Variants in TMPRSS3 observed in about 807,000 individuals in gnomAD.
TMPRSS3 encodes the protein transmembrane protease serine 3.
Under a neutral mutation model 59.6 loss-of-function variants are expected in TMPRSS3, and 55 were observed. That is an observed-to-expected ratio of 0.92 (90% confidence interval 0.74 to 1.16). The LOEUF (loss-of-function observed/expected upper bound fraction) is 1.16. Ranked by LOEUF, TMPRSS3 falls within the 50% of genes most tolerant of loss-of-function variation. The probability of loss-of-function intolerance (pLI) is 0.00; values close to 1 mark genes in which losing one functional copy is unlikely to be tolerated. For synonymous variants in TMPRSS3, 257 were observed against 237.7 expected, an observed-to-expected ratio of 1.08 and a Z score of -0.75; for missense variants, 596 against 579.4, an observed-to-expected ratio of 1.03 and a Z score of -0.29.
At position 42,388,322 on chromosome 21, in the gene TMPRSS3, C is replaced by A. The variant is rs908638444; in HGVS notation, c.446+81G>T. On this transcript the variant is annotated intron_variant, in intron 5 of 12. Coordinates refer to ENST00000644384, the MANE Select transcript of TMPRSS3 (RefSeq NM_001256317.3). This position sits in a 1 kb window ranked among gnomAD's most constrained non-coding sequence, Gnocchi z 5.1. The stretch of plus-strand genomic sequence containing the variant: ...GAGAGCGTTAAAGCACCCAATAGTG[C>A]CCAACTAAATGGTAGTTGTCTTTCT... The A allele has an allele frequency of 1.9e-6, 3 of 1,591,394 alleles. No individual in the cohort carries two copies. Among genetic ancestry groups the A allele is most frequent in the Non-Finnish European group, 2.6e-6 (3 of 1,159,820 alleles).
chr21:42,395,588 C>T (rs903213474), intron 1 of TMPRSS3, 120 bp from the exon 2 acceptor site: 8 of 636,590 alleles, frequency 1.3e-5, no homozygotes, highest in Admixed American at 2.2e-5. Context: ...CATTCAGTAT[C>T]GATTAACCAA....
intron 12 of TMPRSS3, 32 bp from the exon 13 acceptor site, chr21:42,372,811 T>C (rs2052357719): frequency 3.1e-6 from 5 of 1,613,646 alleles, no homozygotes; most frequent in Non-Finnish European, 4.2e-6. Flanking sequence ...TTATTGTTTT[T>C]AGCACTTCCA....
chr21:42,379,536 A>C (rs749104409), intron 10 of TMPRSS3, among the ~76,000 whole-genome samples: 1 of 152,120 alleles, frequency 6.6e-6, no homozygotes, highest in Non-Finnish European at 1.5e-5. Flanking sequence ...TCCTCTTCCT[A>C]CTAACAAAGA....
At chr21:42,382,788 T>G (rs2052555705) in intron 8 of TMPRSS3, 10 of 583,504 alleles carry the variant, frequency 1.7e-5, no homozygotes, top group Non-Finnish European at 3.1e-5. Flanking sequence ...AGGAGCTTCC[T>G]TCCTCTTCTG....
chr21:42,383,206 G>A lies in TMPRSS3; in HGVS notation c.617-8C>T. On this transcript the variant is annotated splice_polypyrimidine_tract_variant and splice_region_variant and intron_variant, in intron 7 of 12. Coordinates refer to ENST00000644384, the MANE Select transcript of TMPRSS3 (RefSeq NM_001256317.3). ...CCCTTCTATGACCACAGGCTATGGA[G>A]GGGAACAAAGGCTTGTGGGTCCACC... The A allele has an allele frequency of 1.2e-6, 2 of 1,614,068 alleles. No homozygotes were observed. The highest frequency in any genetic ancestry group is 1.3e-5 in the African/African-American group (1 of 75,058).
intron 2 of TMPRSS3, among the ~76,000 whole-genome samples, chr21:42,390,600 C>T (rs1041510326): frequency 6.6e-6 from 1 of 152,120 alleles, no homozygotes; most frequent in Non-Finnish European, 1.5e-5. Context: ...TGATGGCAGG[C>T]ACCTGTAATC....
rs748158424 is a variant in TMPRSS3, at chr21:42,389,999, G to C, written c.133C>G (p.Pro45Ala). 1.2e-6 allele frequency: 2 copies of C among 1,614,138 alleles called. No homozygotes were observed. The highest frequency in any genetic ancestry group is 2.2e-5 in the East Asian group (1 of 44,890). The change falls in exon 3 of 13, where the codon CCA (proline) becomes GCA (alanine). Residue 45 changes from proline to alanine, a missense_variant. Pro to Ala is a conservative substitution (Grantham distance 27). Transcript: ENST00000644384. ...ACGATGATTGGAAAAAACTTCAATG[G>C]CAGCAGTGACAGGATCTGTGCAGCA... is the stretch of plus-strand genomic sequence containing the variant. ...AVAAQILSLL[P>A]LKFFPIIVIG...
intron 10 of TMPRSS3, among the ~76,000 whole-genome samples, chr21:42,377,021 A>G (rs1453379954): frequency 6.6e-6 from 1 of 152,240 alleles, no homozygotes; most frequent in Non-Finnish European, 1.5e-5. Context: ...CCAATCAGCC[A>G]TCAGAACACC....
intron 6 of TMPRSS3, 142 bp from the exon 7 acceptor site, chr21:42,384,155 T>TAAAAA: frequency 1.9e-6 from 1 of 517,602 alleles, no homozygotes; most frequent in Non-Finnish European, 3.0e-6. Flanking sequence ...TAGTCTATGT[T>TAAAAA]CAAAAAAAAA....
At chr21:42,392,232 T>G (rs1164930081) in intron 2 of TMPRSS3, among the ~76,000 whole-genome samples, 1 of 152,080 alleles carries the variant, frequency 6.6e-6, no homozygotes, top group Non-Finnish European at 1.5e-5. Context: ...CCTCTGGCAA[T>G]AAGGAGTGTG....
chr21:42,383,651 G>A (rs1471638013), intron 7 of TMPRSS3: 3 of 585,832 alleles, frequency 5.1e-6, no homozygotes, highest in South Asian at 3.6e-5. Context: ...GCCTGGAGTG[G>A]GCACTGTGCA....
intron 12 of TMPRSS3, among the ~76,000 whole-genome samples, chr21:42,375,146 C>T (rs1046921663): frequency 1.3e-5 from 2 of 152,034 alleles, no homozygotes; most frequent in African/African-American, 4.8e-5. Flanking sequence ...CCCCTCCATG[C>T]CCGGGTCCTG....
chr21:42,372,183 AC>A lies in TMPRSS3; in HGVS notation c.*578del, dbSNP rs34908991. Reference sequence around the variant, plus strand: ...CTTATCTCGTCAGGAATTTTGCAAGACCCCTGGAGAGAAAACCAGATGGACC... The same window carrying A: ...CTTATCTCGTCAGGAATTTTGCAAGACCCTGGAGAGAAAACCAGATGGACC... On this transcript the variant is annotated 3_prime_UTR_variant, in exon 13 of 13. Transcript: ENST00000644384. 170,786 of 449,084 alleles carry A rather than the reference AC, an allele frequency of 0.38. 36,140 individuals carry two copies. The highest frequency in any genetic ancestry group is 0.46 in the Non-Finnish European group (102,024 of 223,030). The allele number at this position is 449,084 out of a possible 1,614,324, so 27.8% of individuals were successfully genotyped here. A position where few individuals can be genotyped will look rare whatever the true frequency, so the allele number is the denominator to read the frequency against.
At chr21:42,376,430 C>T (rs1176909482) in intron 11 of TMPRSS3, 111 bp downstream of exon 11, 1 of 1,481,018 alleles carries the variant, frequency 6.8e-7, no homozygotes, top group Non-Finnish European at 9.2e-7. Flanking sequence ...AATTTCTTCT[C>T]CACGCCCTGT....
intron 2 of TMPRSS3, chr21:42,390,432 A>C: frequency 4.0e-6 from 1 of 247,810 alleles, no homozygotes. Context: ...TGCCCTTATA[A>C]AAAGGGGGAA....
rs748158424 is a variant in TMPRSS3 at position 42,389,999 on chromosome 21, G to A, written c.133C>T (p.Pro45Ser). Reference protein sequence around the residue: ...AVAAQILSLLPLKFFPIIVIG... With the variant: ...AVAAQILSLLSLKFFPIIVIG... ...ACGATGATTGGAAAAAACTTCAATG[G>A]CAGCAGTGACAGGATCTGTGCAGCA... The change falls in exon 3 of 13, where the codon CCA (proline) becomes TCA (serine). Residue 45 changes from proline (P) to serine (S), a missense_variant. Pro to Ser is a moderately conservative substitution (Grantham distance 74). Coordinates refer to ENST00000644384, the MANE Select transcript of TMPRSS3 (RefSeq NM_001256317.3). The A allele has an allele frequency of 1.1e-5, 17 of 1,614,138 alleles. No homozygotes were observed. The South Asian group carries it at 1.8e-4, about 17-fold the overall frequency.
rs565445198 is a variant in TMPRSS3, at chr21:42,394,804, C to A, written c.94+520G>T. 2.6e-5 allele frequency among the ~76,000 whole-genome samples: 4 copies of A among 152,316 alleles called. 1 individual carries two copies. The South Asian group carries it at 8.3e-4, about 32-fold the overall frequency. On this transcript the variant is annotated intron_variant, in intron 2 of 12. Transcript: ENST00000644384. ...TATCTCTGGTCAAAAAGATCCTAGC[C>A]GTATAGGTTGCTAGAGAGTCCACTG...
chr21:42,395,106 C>T (rs1209671872), intron 2 of TMPRSS3, among the ~76,000 whole-genome samples: 1 of 152,152 alleles, frequency 6.6e-6, no homozygotes, highest in Non-Finnish European at 1.5e-5. Context: ...GAAGAAAACA[C>T]CGGTCTCCAG....
rs182472675 is a variant in TMPRSS3, at chr21:42,372,428, C to T, written c.*334G>A. ...TACAAAAATTAGTTGGGTGTGGTGG[C>T]GGGCACCTGTGGTCCCAGCTACTGG... On this transcript the variant is annotated 3_prime_UTR_variant, in exon 13 of 13. Coordinates refer to ENST00000644384, the MANE Select transcript of TMPRSS3 (RefSeq NM_001256317.3). The T allele has an allele frequency of 1.7e-4, 89 of 513,828 alleles. 2 individuals are homozygous for T. In the East Asian group the frequency reaches 4.0e-3, roughly 23 times the overall value. 31.8% of individuals were successfully genotyped at this position (513,828 alleles called of 1,614,324 possible). A position where few individuals can be genotyped will look rare whatever the true frequency, so the allele number is the denominator to read the frequency against.
Sources: allele counts gnomAD v4.1 joint callset (sites outside exome capture counted in the v4.1 genomes callset), GRCh38; gene constraint gnomAD v4.1.1; non-coding constraint Gnocchi (gnomAD v3.1); transcripts MANE v1.5; gene names NCBI Gene and HGNC (gene_info 2026-07-23, HGNC 2026-07-21).